Variants in MLLT3 observed in about 807,000 individuals in gnomAD.
MLLT3 encodes protein AF-9.
A neutral mutation model predicts 53.2 loss-of-function variants in MLLT3; 4 were observed. The ratio of observed to expected loss-of-function variants is 0.08; its 90% CI spans 0.04 to 0.17. The LOEUF (loss-of-function observed/expected upper bound fraction) is 0.17. Among genes scored for constraint, MLLT3 ranks in the 10% least tolerant of loss-of-function variants. The probability of loss-of-function intolerance (pLI) is 1.00; values close to 1 mark genes in which losing one functional copy is unlikely to be tolerated. For missense variants in MLLT3, 569 were observed against 684.0 expected (o/e 0.83, Z 1.87); for synonymous variants, 283 against 230.6 (o/e 1.23, Z -2.06).
At chr9:20,580,181 T>C (rs1307761302) in intron 2 of MLLT3, among the ~76,000 whole-genome samples, 5 of 152,206 alleles carry the variant, frequency 3.3e-5, no homozygotes, top group Non-Finnish European at 7.3e-5. Context: ...ATGCAAATGC[T>C]ATCCACTACT....
chr9:20,596,427 CG>C (rs1563836327), intron 2 of MLLT3, among the ~76,000 whole-genome samples: 1 of 152,184 alleles, frequency 6.6e-6, no homozygotes, highest in African/African-American at 2.4e-5. Flanking sequence ...TGGTGGCACA[CG>C]CCTATAATCC....
At chr9:20,392,603 T>C (rs921265708) in intron 5 of MLLT3, among the ~76,000 whole-genome samples, 1 of 152,204 alleles carries the variant, frequency 6.6e-6, no homozygotes, top group Non-Finnish European at 1.5e-5. Context: ...TACCCTAGCA[T>C]TTCTACTCGA....
At chr9:20,594,532 G>T (rs1435553140) in intron 2 of MLLT3, among the ~76,000 whole-genome samples, 1 of 152,098 alleles carries the variant, frequency 6.6e-6, no homozygotes, top group East Asian at 1.9e-4. Flanking sequence ...TGTTGAATAG[G>T]GGCTGGGTAA....
chr9:20,479,821 A>G (rs188271546), intron 2 of MLLT3, among the ~76,000 whole-genome samples: 1 of 152,384 alleles, frequency 6.6e-6, no homozygotes, highest in Admixed American at 6.5e-5. Context: ...GATAAAGACC[A>G]TGAAATATTT....
chr9:20,458,994 G>A (rs886409489), intron 2 of MLLT3, among the ~76,000 whole-genome samples: 2 of 152,140 alleles, frequency 1.3e-5, no homozygotes, highest in African/African-American at 4.8e-5. Flanking sequence ...GCCCTGGATT[G>A]AATATTCTCT....
intron 5 of MLLT3, among the ~76,000 whole-genome samples, chr9:20,378,093 A>T (rs1821816504): frequency 6.6e-6 from 1 of 151,904 alleles, no homozygotes; most frequent in South Asian, 2.1e-4. Flanking sequence ...AGAAAATAAC[A>T]AGACCTCTTT....
At chr9:20,368,198 T>A (rs1345351325) in intron 5 of MLLT3, among the ~76,000 whole-genome samples, 1 of 152,250 alleles carries the variant, frequency 6.6e-6, no homozygotes, top group Non-Finnish European at 1.5e-5. Context: ...GTTGAGTGGC[T>A]CTTCTACTGT....
In MLLT3 at chr9:20,342,103, T is replaced by C. The variant is rs1195636705; in HGVS notation, c.*4340A>G. The C allele has an allele frequency of 4.7e-6, 1 of 213,630 alleles. No individual in the cohort carries two copies. Among genetic ancestry groups the C allele is most frequent in the African/African-American group, 2.3e-5 (1 of 44,182 alleles). The allele number at this position is 213,630 out of a possible 1,614,324, so 13.2% of individuals were successfully genotyped here. A position where few individuals can be genotyped will look rare whatever the true frequency, so the allele number is the denominator to read the frequency against. On this transcript the variant is annotated 3_prime_UTR_variant, in exon 11 of 11. Transcript: ENST00000380338. ...CTTCTTTAGAAACAGCATCACTTCTTGAGAAAAGGCTAGGGGCTAATTTTT... is the reference window on the plus strand; with the variant it reads ...CTTCTTTAGAAACAGCATCACTTCTCGAGAAAAGGCTAGGGGCTAATTTTT...
chr9:20,592,102 G>A (rs1048375646), intron 2 of MLLT3, among the ~76,000 whole-genome samples: 16 of 152,164 alleles, frequency 1.1e-4, no homozygotes, highest in Non-Finnish European at 2.2e-4. Context: ...GCAAGCCTAT[G>A]AGTAAACATT....
chr9:20,532,689 G>A, intron 2 of MLLT3: 1 of 263,010 alleles, frequency 3.8e-6, no homozygotes, highest in Non-Finnish European at 7.3e-6. Flanking sequence ...AGGATATGCA[G>A]CCCAAAAGGG....
At chr9:20,612,514 T>C (rs1033246483) in intron 2 of MLLT3, among the ~76,000 whole-genome samples, 46 of 152,084 alleles carry the variant, frequency 3.0e-4, no homozygotes, top group African/African-American at 1.1e-3. Flanking sequence ...AGCTTGCATA[T>C]GGCAAAAAGA....
intron 4 of MLLT3, among the ~76,000 whole-genome samples, chr9:20,447,238 G>A (rs1260827708): frequency 2.6e-5 from 4 of 152,124 alleles, no homozygotes; most frequent in Non-Finnish European, 5.9e-5. Flanking sequence ...AGTGATATAA[G>A]GCATCTTGAT....
chr9:20,434,149 C>T (rs1290107027), intron 4 of MLLT3, among the ~76,000 whole-genome samples: 3 of 151,754 alleles, frequency 2.0e-5, no homozygotes, highest in South Asian at 2.1e-4. Flanking sequence ...AAATAAAGGA[C>T]ATTACTGGAA....
intron 2 of MLLT3, among the ~76,000 whole-genome samples, chr9:20,476,562 T>C (rs1396037760): frequency 6.6e-6 from 1 of 152,076 alleles, no homozygotes; most frequent in Non-Finnish European, 1.5e-5. Context: ...TAAATGGTAA[T>C]ACATACAATT....
chr9:20,531,162 T>C (rs941412732), intron 2 of MLLT3, among the ~76,000 whole-genome samples: 1 of 147,424 alleles, frequency 6.8e-6, no homozygotes, highest in African/African-American at 2.5e-5. Context: ...GGAAACATAG[T>C]CTTGCTCTTG....
At chr9:20,354,442 A>G (rs903386043) in intron 9 of MLLT3, among the ~76,000 whole-genome samples, 9 of 152,226 alleles carry the variant, frequency 5.9e-5, no homozygotes, top group African/African-American at 2.2e-4. Flanking sequence ...TTTCAGAAGC[A>G]TGACGCACAC....
chr9:20,421,090 C>G (rs1264928337), intron 4 of MLLT3, among the ~76,000 whole-genome samples: 3 of 151,986 alleles, frequency 2.0e-5, no homozygotes, highest in African/African-American at 7.3e-5. Flanking sequence ...ATGGTGAAAC[C>G]CTGTCTCTAC....
chr9:20,426,943 G>C (rs934009111), intron 4 of MLLT3, among the ~76,000 whole-genome samples: 1 of 152,006 alleles, frequency 6.6e-6, no homozygotes, highest in African/African-American at 2.4e-5. Context: ...ACCAAACCTG[G>C]GCCCTATAGC....
intron 4 of MLLT3, among the ~76,000 whole-genome samples, chr9:20,424,071 A>G (rs903765493): frequency 1.3e-5 from 2 of 152,174 alleles, no homozygotes; most frequent in Non-Finnish European, 2.9e-5. Flanking sequence ...ATACAGGAGG[A>G]TGTGCATAAA....
Sources: allele counts gnomAD v4.1 joint callset (sites outside exome capture counted in the v4.1 genomes callset), GRCh38; gene constraint gnomAD v4.1.1; transcripts MANE v1.5; gene names NCBI Gene and HGNC (gene_info 2026-07-23, HGNC 2026-07-21).